Variants in RUNX1T1 observed in about 807,000 individuals in gnomAD.
RUNX1T1 encodes protein CBFA2T1.
A neutral mutation model predicts 62.8 loss-of-function variants in RUNX1T1; 4 were observed. That is an observed-to-expected ratio of 0.06 (90% CI 0.03 to 0.15). The LOEUF (loss-of-function observed/expected upper bound fraction) is 0.15. RUNX1T1 is among the 10% of genes least tolerant of loss of function. RUNX1T1 has a pLI of 1.00. For synonymous variants in RUNX1T1, 291 were observed against 286.0 expected, an observed-to-expected ratio of 1.02 and a Z score of -0.18; for missense variants, 508 against 754.3, an observed-to-expected ratio of 0.67 and a Z score of 3.82.
At chr8:92,039,085 C>T (rs371140634) in intron 1 of RUNX1T1, among the ~76,000 whole-genome samples, 3 of 151,696 alleles carry the variant, frequency 2.0e-5, no homozygotes, top group Admixed American at 6.6e-5. Context: ...AACAAAAGGA[C>T]AAAGTTACCT....
chr8:91,988,598 G>A (rs1360303531), intron 6 of RUNX1T1, among the ~76,000 whole-genome samples: 1 of 152,084 alleles, frequency 6.6e-6, no homozygotes, highest in Non-Finnish European at 1.5e-5. Flanking sequence ...TGACTTTCAT[G>A]TTAGAGGCAT....
intron 1 of RUNX1T1, among the ~76,000 whole-genome samples, chr8:92,084,526 G>A (rs1186027089): frequency 1.3e-5 from 2 of 152,196 alleles, no homozygotes; most frequent in Admixed American, 1.3e-4. Flanking sequence ...TAAATCACTT[G>A]AGTTCAAGGC....
intron 6 of RUNX1T1, among the ~76,000 whole-genome samples, chr8:91,990,772 C>T (rs1817518187): frequency 6.6e-6 from 1 of 152,052 alleles, no homozygotes; most frequent in Non-Finnish European, 1.5e-5. Flanking sequence ...ATCCTCCTGC[C>T]TCAGCCCCAC....
At chr8:92,081,402 G>A (rs1272445664) in intron 1 of RUNX1T1, 2 of 241,272 alleles carry the variant, frequency 8.3e-6, no homozygotes, top group African/African-American at 4.7e-5. Flanking sequence ...CTTTCTGAAA[G>A]TAATTACTGC....
chr8:91,972,917 T>C (rs142234557), intron 9 of RUNX1T1, among the ~76,000 whole-genome samples: 1 of 152,094 alleles, frequency 6.6e-6, no homozygotes, highest in Non-Finnish European at 1.5e-5. Context: ...TCCAGTTTCA[T>C]AAAGACCTTT....
chr8:92,007,431 C>T (rs1346392217), intron 4 of RUNX1T1, among the ~76,000 whole-genome samples: 1 of 151,802 alleles, frequency 6.6e-6, no homozygotes, highest in Admixed American at 6.6e-5. Context: ...TATACCACCA[C>T]ACTTGCCTGG....
At chr8:92,013,005 T>G (rs1340770093) in intron 3 of RUNX1T1, among the ~76,000 whole-genome samples, 1 of 152,140 alleles carries the variant, frequency 6.6e-6, no homozygotes, top group Non-Finnish European at 1.5e-5. Context: ...CAAGTTTTTC[T>G]GCATTTTCAA....
intron 5 of RUNX1T1, among the ~76,000 whole-genome samples, chr8:92,002,273 A>G (rs1819906221): frequency 6.6e-6 from 1 of 152,172 alleles, no homozygotes; most frequent in African/African-American, 2.4e-5. Flanking sequence ...ACTTGTTCAG[A>G]GACACTCCCC....
At chr8:92,064,155 C>T (rs1832512298), upstream of RUNX1T1, among the ~76,000 whole-genome samples, 1 of 152,152 alleles carries the variant, frequency 6.6e-6, no homozygotes, top group Non-Finnish European at 1.5e-5. Context: ...TCAAAGCATA[C>T]CCACACACAC....
At chr8:91,976,987 C>T (rs1290888269) in intron 8 of RUNX1T1, among the ~76,000 whole-genome samples, 2 of 152,090 alleles carry the variant, frequency 1.3e-5, no homozygotes, top group Non-Finnish European at 2.9e-5. Flanking sequence ...TTTTTAAATG[C>T]TTTATCTAAT....
In RUNX1T1 at chr8:92,011,095, T is replaced by C. The variant is rs756725968; in HGVS notation, c.388-4A>G. 2 of 1,546,068 alleles carry C rather than the reference T, an allele frequency of 1.3e-6. No individual in the cohort carries two copies. The highest frequency in any genetic ancestry group is 2.2e-5 in the East Asian group (1 of 44,476). On this transcript the variant is annotated splice_polypyrimidine_tract_variant and splice_region_variant and intron_variant, in intron 3 of 10. Transcript: ENST00000396218. ...CTTCAATTGTCAAAGTGGAGTTCTA[T>C]GGAAGAAAATATGTAGTATAAATAC...
At chr8:92,005,329 A>G (rs1394115572) in intron 4 of RUNX1T1, 32 bp from the exon 6 acceptor site, 1 of 1,598,204 alleles carries the variant, frequency 6.3e-7, no homozygotes, top group Non-Finnish European at 8.5e-7. Context: ...GAGAGGACGG[A>G]CTGAAAGTTT....
At chr8:92,096,271 G>A (rs979360074) in intron 1 of RUNX1T1, among the ~76,000 whole-genome samples, 2 of 152,192 alleles carry the variant, frequency 1.3e-5, no homozygotes, top group Non-Finnish European at 2.9e-5. Context: ...GGCTCCTTAT[G>A]TGTGCATCTG....
intron 1 of RUNX1T1, among the ~76,000 whole-genome samples, chr8:92,045,666 T>A (rs1023470156): frequency 4.6e-5 from 7 of 152,166 alleles, no homozygotes; most frequent in African/African-American, 1.7e-4. Flanking sequence ...CTCTTGTAAT[T>A]TCTCCCTAAT....
At chr8:92,062,529 GA>G in intron 1 of RUNX1T1, 2 of 1,613,272 alleles carry the variant, frequency 1.2e-6, no homozygotes, top group Non-Finnish European at 1.7e-6. Flanking sequence ...AGAGAACACA[GA>G]ACAGGGCTAA....
intron 1 of RUNX1T1, chr8:92,095,241 G>A (rs1837616427): frequency 2.6e-6 from 4 of 1,528,686 alleles, no homozygotes; most frequent in Admixed American, 2.0e-5. Context: ...GAATCATTTG[G>A]AAAGGGAGAG....
At chr8:92,007,712 C>T (rs1426977611) in intron 4 of RUNX1T1, among the ~76,000 whole-genome samples, 1 of 151,718 alleles carries the variant, frequency 6.6e-6, no homozygotes, top group Non-Finnish European at 1.5e-5. Flanking sequence ...CATCTCTGAC[C>T]ATAGAAAAAC....
At chr8:91,975,527 C>T (rs1813731087) in intron 9 of RUNX1T1, among the ~76,000 whole-genome samples, 1 of 147,570 alleles carries the variant, frequency 6.8e-6, no homozygotes, top group Non-Finnish European at 1.5e-5. Flanking sequence ...CTGAAGTATG[C>T]AATTTAATTT....
At chr8:92,079,599 T>C (rs183534643) in intron 1 of RUNX1T1, among the ~76,000 whole-genome samples, 17 of 152,306 alleles carry the variant, frequency 1.1e-4, no homozygotes, top group African/African-American at 1.9e-4. Flanking sequence ...TTTCACAAGC[T>C]TCCTTAAGCT....
Sources: gnomAD v4.1 joint callset for allele counts (sites outside exome capture counted in the v4.1 genomes callset) on GRCh38, gnomAD v4.1.1 for gene constraint, MANE v1.5 for transcripts, NCBI Gene and HGNC (gene_info 2026-07-23, HGNC 2026-07-21) for gene names.